The following NIPA1 variants were observed in gnomAD, a reference collection of about 807,000 sequenced individuals.
NIPA1 encodes the protein NIPA magnesium transporter 1.
In NIPA1, 13 loss-of-function variants were observed where a neutral mutation model predicts 23.9. The observed-to-expected ratio is 0.54, with a 90% CI of 0.35 to 0.87. The LOEUF (loss-of-function observed/expected upper bound fraction) is 0.87. NIPA1 is among the 40% of genes least tolerant of loss of function. The probability of loss-of-function intolerance (pLI) is 0.01; values close to 1 mark genes in which losing one functional copy is unlikely to be tolerated. For missense variants in NIPA1, 362 were observed against 429.7 expected, an observed-to-expected ratio of 0.84 and a Z score of 1.39; for synonymous variants, 234 against 202.9, an observed-to-expected ratio of 1.15 and a Z score of -1.30.
At chr15:22,805,453 G>A (rs1157926564) in intron 1 of NIPA1, among the ~76,000 whole-genome samples, 4 of 152,110 alleles carry the variant, frequency 2.6e-5, no homozygotes. Flanking sequence ...TTGGGAGGCC[G>A]AGGTGAGCGG....
At chr15:22,814,105 T>G in intron 3 of NIPA1, 4 of 1,278,120 alleles carry the variant, frequency 3.1e-6, no homozygotes, top group Non-Finnish European at 4.1e-6. Flanking sequence ...GTAGGAACCA[T>G]GTCAGATGGT....
chr15:22,811,052 C>T (rs2140867316), intron 2 of NIPA1: 2 of 528,004 alleles, frequency 3.8e-6, no homozygotes, highest in South Asian at 2.1e-5. Flanking sequence ...CTGCTGCCCA[C>T]GATTAGCCGT....
In NIPA1 at chr15:22,798,848, A is replaced by C. The variant is rs1459245254; in HGVS notation, c.179-11901A>C. 7.4e-4 allele frequency among the ~76,000 whole-genome samples: 112 copies of C among 151,308 alleles called. 1 individual carries two copies. Among genetic ancestry groups the C allele is most frequent in the Admixed American group, 6.5e-3 (98 of 15,184 alleles). ...GAGACTCCGTCTCAAAAAAAAAAAA[A>C]AAAAAAAAAAAAAACCTCTTTATTG... On this transcript the variant is annotated intron_variant, in intron 1 of 4. Coordinates refer to ENST00000337435, the MANE Select transcript of NIPA1 (RefSeq NM_144599.5).
intron 1 of NIPA1, among the ~76,000 whole-genome samples, chr15:22,790,531 C>T (rs1420319574): frequency 6.6e-6 from 1 of 151,742 alleles, no homozygotes; most frequent in Non-Finnish European, 1.5e-5. Flanking sequence ...ATTCTCCTGC[C>T]TCAGCCTCCC....
At chr15:22,790,315 T>C (rs1313350401) in intron 1 of NIPA1, among the ~76,000 whole-genome samples, 1 of 152,104 alleles carries the variant, frequency 6.6e-6, no homozygotes, top group Non-Finnish European at 1.5e-5. Flanking sequence ...CAACAGATAC[T>C]GATGAAGCTT....
intron 1 of NIPA1, among the ~76,000 whole-genome samples, chr15:22,788,968 A>T (rs1306534550): frequency 6.9e-6 from 1 of 145,204 alleles, no homozygotes; most frequent in Non-Finnish European, 1.5e-5. Context: ...CCTATATACT[A>T]TGCTTTCATT....
intron 2 of NIPA1, chr15:22,811,003 G>A: frequency 1.7e-6 from 1 of 595,804 alleles, no homozygotes; most frequent in Non-Finnish European, 3.0e-6. Flanking sequence ...CTCCCAGGAT[G>A]AGAGTGCAGA....
At chr15:22,804,809 C>G (rs1895169996) in intron 1 of NIPA1, among the ~76,000 whole-genome samples, 1 of 152,012 alleles carries the variant, frequency 6.6e-6, no homozygotes, top group African/African-American at 2.4e-5. Context: ...TATGCCAGTA[C>G]CATACTGTCT....
chr15:22,790,314 C>G (rs7173667), intron 1 of NIPA1, among the ~76,000 whole-genome samples: 43,758 of 151,762 alleles, frequency 0.29, 6,868 homozygotes, highest in Non-Finnish European at 0.36. Flanking sequence ...TCAACAGATA[C>G]TGATGAAGCT....
chr15:22,789,023 C>T (rs1030819574), intron 1 of NIPA1, among the ~76,000 whole-genome samples: 1 of 147,634 alleles, frequency 6.8e-6, no homozygotes, highest in Non-Finnish European at 1.5e-5. Flanking sequence ...GACGGAGTTT[C>T]GCTCTTGTTG....
At position 22,823,720 on chromosome 15, in the gene NIPA1, T is replaced by C. The variant is rs1215837163; in HGVS notation, c.479-8T>C. 5.0e-6 allele frequency: 8 copies of C among 1,601,054 alleles called. No homozygotes were observed. Among genetic ancestry groups the C allele is most frequent in the Admixed American group, 1.7e-5 (1 of 59,284 alleles). On this transcript the variant is annotated splice_region_variant and splice_polypyrimidine_tract_variant and intron_variant, in intron 4 of 4. Coordinates refer to ENST00000337435, the MANE Select transcript of NIPA1 (RefSeq NM_144599.5). ...GCTCCGGGTGACTGTGTGCTGTCTGTGTTCCAGTGTTTGTGGGCTACCTGT... is the reference window on the plus strand; with the variant it reads ...GCTCCGGGTGACTGTGTGCTGTCTGCGTTCCAGTGTTTGTGGGCTACCTGT...
intron 1 of NIPA1, among the ~76,000 whole-genome samples, chr15:22,802,858 A>ATG (rs1311917423): frequency 6.6e-6 from 1 of 152,038 alleles, no homozygotes; most frequent in Non-Finnish European, 1.5e-5. Context: ...ATTCATCGTG[A>ATG]TGTGGGTATC....
chr15:22,816,485 C>CTTTTTTTTTTTT (rs1566786330), intron 3 of NIPA1, among the ~76,000 whole-genome samples: 1 of 52,678 alleles, frequency 1.9e-5, no homozygotes. Context: ...CCGCACCCAG[C>CTTTTTTTTTTTT]CTTTTTTTTT....
At position 22,824,916 on chromosome 15, in the gene NIPA1, T is replaced by G. The variant is rs748233474; in HGVS notation, c.*677T>G. ...ATTTCAGTGCCTTTATCACTTGAAT[T>G]ATTAACTTAATTTGACTCTTAATGT... On this transcript the variant is annotated 3_prime_UTR_variant, in exon 5 of 5. Transcript: ENST00000337435. The surrounding 1 kb of genome is among the most constrained non-coding windows in gnomAD (Gnocchi z 4.1). 6.5e-6 allele frequency: 1 copy of G among 152,990 alleles called. No individual in the cohort carries two copies. Among genetic ancestry groups the G allele is most frequent in the South Asian group, 2.1e-4 (1 of 4,850 alleles). 9.5% of individuals were successfully genotyped at this position (152,990 alleles called of 1,614,324 possible).
At chr15:22,823,385 A>G (rs958995738) in intron 4 of NIPA1, among the ~76,000 whole-genome samples, 1 of 151,826 alleles carries the variant, frequency 6.6e-6, no homozygotes, top group Non-Finnish European at 1.5e-5. Flanking sequence ...TACTTTTAGT[A>G]GAGACGGGGT....
intron 1 of NIPA1, among the ~76,000 whole-genome samples, chr15:22,800,855 C>T (rs576169230): frequency 2.9e-4 from 44 of 150,792 alleles, no homozygotes; most frequent in African/African-American, 9.5e-4. Flanking sequence ...GGCGTGAACC[C>T]GGGAGGTGGA....
chr15:22,828,644 T>C lies in NIPA1; in HGVS notation c.*4405T>C, dbSNP rs985445003. On this transcript the variant is annotated 3_prime_UTR_variant, in exon 5 of 5. Coordinates refer to ENST00000337435, the MANE Select transcript of NIPA1 (RefSeq NM_144599.5). The stretch of plus-strand genomic sequence containing the variant: ...ATGTTGTCTAGTAAAAAGTTGATAT[T>C]CAGTAGAACAAGGATCATGTAAATA... 1 of 152,626 alleles carries C rather than the reference T, an allele frequency of 6.6e-6. No individual in the cohort carries two copies. The highest frequency in any genetic ancestry group is 2.4e-5 in the African/African-American group (1 of 41,452). The allele number at this position is 152,626 out of a possible 1,614,324, so 9.5% of individuals were successfully genotyped here. A position where few individuals can be genotyped will look rare whatever the true frequency, so the allele number is the denominator to read the frequency against.
chr15:22,793,410 C>A (rs935548892), intron 1 of NIPA1, among the ~76,000 whole-genome samples: 5 of 146,668 alleles, frequency 3.4e-5, no homozygotes, highest in Non-Finnish European at 6.0e-5. Context: ...TAAGTATAGT[C>A]ATTCTGCCCT....
chr15:22,794,915 G>C (rs891539679), intron 1 of NIPA1, among the ~76,000 whole-genome samples: 1 of 152,010 alleles, frequency 6.6e-6, no homozygotes, highest in East Asian at 1.9e-4. Context: ...AGGGATGATG[G>C]CCTATTCACT....
Sources: allele counts gnomAD v4.1 joint callset (sites outside exome capture counted in the v4.1 genomes callset), GRCh38; gene constraint gnomAD v4.1.1; non-coding constraint Gnocchi (gnomAD v3.1); transcripts MANE v1.5; gene names NCBI Gene and HGNC (gene_info 2026-07-23, HGNC 2026-07-21).